Variants in ACMSD observed in about 807,000 individuals in gnomAD.
ACMSD encodes the protein aminocarboxymuconate semialdehyde decarboxylase.
ACMSD carries 37 observed loss-of-function variants against 45.9 expected under a neutral mutation model. That is an observed-to-expected ratio of 0.81 (90% confidence interval 0.62 to 1.06). The LOEUF (loss-of-function observed/expected upper bound fraction) is 1.06, where lower values mean the gene tolerates loss of function less well. Among genes scored for constraint, ACMSD ranks in the 50% least tolerant of loss-of-function variants. The pLI, the probability that ACMSD is intolerant of heterozygous loss-of-function variation, is 0.00. For synonymous variants in ACMSD, 138 were observed against 148.8 expected (o/e 0.93, Z 0.53); for missense variants, 434 against 420.9 (o/e 1.03, Z -0.27).
At chr2:134,896,533 C>G in intron 8 of ACMSD, among the ~76,000 whole-genome samples, 1 of 152,082 alleles carries the variant, frequency 6.6e-6, no homozygotes, top group South Asian at 2.1e-4. Flanking sequence ...ATACAAATAG[C>G]CAATAAGCAC....
chr2:134,901,281 G>A (rs142552751), intron 9 of ACMSD, among the ~76,000 whole-genome samples: 2 of 152,296 alleles, frequency 1.3e-5, no homozygotes, highest in East Asian at 3.9e-4. Flanking sequence ...CATTTCTTAT[G>A]TGAAAATTTT....
chr2:134,885,309 A>ATATAT (rs1380100356), intron 8 of ACMSD, among the ~76,000 whole-genome samples: 5 of 93,736 alleles, frequency 5.3e-5, no homozygotes, highest in African/African-American at 2.3e-4. Context: ...ATATTTAAAT[A>ATATAT]TATATATATA....
At position 134,901,901 on chromosome 2, in the gene ACMSD, A is replaced by C; in HGVS notation, c.*41A>C. 50 of 1,509,890 alleles carry C rather than the reference A, an allele frequency of 3.3e-5. No homozygotes were observed. Among genetic ancestry groups the C allele is most frequent in the Non-Finnish European group, 4.4e-5 (49 of 1,102,778 alleles). 93.5% of individuals were successfully genotyped at this position (1,509,890 alleles called of 1,614,324 possible). A position where few individuals can be genotyped will look rare whatever the true frequency, so the allele number is the denominator to read the frequency against. On this transcript the variant is annotated 3_prime_UTR_variant, in exon 10 of 10. Transcript: ENST00000356140. ...AGGCAAACTTTCAAAAGGATATCTC[A>C]TTTTTGTTTCTAAATATGTATCAAC...
chr2:134,845,141 G>A (rs1341574094), intron 1 of ACMSD, 92 bp from the exon 2 acceptor site: 5 of 1,306,364 alleles, frequency 3.8e-6, no homozygotes, highest in Non-Finnish European at 5.6e-6. Context: ...ATGCTTGAAA[G>A]GTGGAGCTCA....
intron 2 of ACMSD, among the ~76,000 whole-genome samples, chr2:134,852,344 A>G (rs1687383039): frequency 6.6e-6 from 1 of 152,118 alleles, no homozygotes; most frequent in South Asian, 2.1e-4. Context: ...GGAAGCAGGG[A>G]GATGGGGCTG....
chr2:134,838,921 A>T (rs1686656648), intron 1 of ACMSD, among the ~76,000 whole-genome samples, 182 bp downstream of exon 1: 1 of 152,222 alleles, frequency 6.6e-6, no homozygotes, highest in South Asian at 2.1e-4. Context: ...ATTTTGAAAT[A>T]ACATTGGATT....
chr2:134,882,690 T>C (rs1689106097), intron 8 of ACMSD, among the ~76,000 whole-genome samples: 1 of 152,244 alleles, frequency 6.6e-6, no homozygotes, highest in African/African-American at 2.4e-5. Context: ...TTAAGTTATG[T>C]TATAACAGAG....
chr2:134,871,173 C>A, intron 7 of ACMSD, 113 bp downstream of exon 7: 2 of 968,814 alleles, frequency 2.1e-6, no homozygotes, highest in Non-Finnish European at 3.1e-6. Context: ...GCTAGAAGTC[C>A]AAGATCAAGG....
intron 2 of ACMSD, 85 bp from the exon 3 acceptor site, chr2:134,859,176 A>G (rs375652048): frequency 1.9e-6 from 2 of 1,074,436 alleles, no homozygotes; most frequent in South Asian, 1.4e-5. Context: ...AATATTAGGG[A>G]AGAAATACGT....
intron 6 of ACMSD, among the ~76,000 whole-genome samples, chr2:134,869,788 T>C (rs994705471): frequency 3.3e-5 from 5 of 152,010 alleles, no homozygotes; most frequent in Non-Finnish European, 7.4e-5. Context: ...CATTAGTGGA[T>C]TGGAGGATTC....
At chr2:134,845,335 A>C in intron 2 of ACMSD, 58 bp downstream of exon 2, 1 of 1,596,012 alleles carries the variant, frequency 6.3e-7, no homozygotes, top group Non-Finnish European at 8.6e-7. Context: ...GAGCCATGGG[A>C]TACCTCACTG....
intron 8 of ACMSD, among the ~76,000 whole-genome samples, chr2:134,885,420 T>C (rs1689360720): frequency 8.2e-6 from 1 of 122,614 alleles, no homozygotes; most frequent in Non-Finnish European, 1.6e-5. Context: ...AATATATATG[T>C]AAATATATAT....
intron 8 of ACMSD, among the ~76,000 whole-genome samples, chr2:134,891,862 C>G (rs1161568958): frequency 6.6e-6 from 1 of 152,064 alleles, no homozygotes; most frequent in Non-Finnish European, 1.5e-5. Context: ...GATAAAGAAA[C>G]TGTCATATAT....
intron 7 of ACMSD, among the ~76,000 whole-genome samples, 163 bp downstream of exon 7, chr2:134,871,223 G>C (rs1178088853): frequency 6.6e-6 from 1 of 152,172 alleles, no homozygotes; most frequent in Admixed American, 6.5e-5. Context: ...TCTCTTCCTA[G>C]CTTGCACATG....
intron 3 of ACMSD, 110 bp downstream of exon 3, chr2:134,859,467 C>CTA (rs1260871766): frequency 1.8e-5 from 18 of 981,810 alleles, no homozygotes; most frequent in Non-Finnish European, 2.8e-5. Flanking sequence ...CTTTTCTCTG[C>CTA]CAGGACAGGC....
intron 1 of ACMSD, among the ~76,000 whole-genome samples, chr2:134,841,284 C>T (rs948795223): frequency 2.0e-5 from 3 of 152,128 alleles, no homozygotes; most frequent in Non-Finnish European, 4.4e-5. Flanking sequence ...CCACCGTGGT[C>T]CCTCAAGAGC....
intron 8 of ACMSD, among the ~76,000 whole-genome samples, chr2:134,895,440 A>G (rs1690083240): frequency 6.6e-6 from 1 of 150,780 alleles, no homozygotes; most frequent in Non-Finnish European, 1.5e-5. Flanking sequence ...CATTGATTCA[A>G]AAACTTAATG....
intron 8 of ACMSD, among the ~76,000 whole-genome samples, chr2:134,893,660 A>G (rs148875702): frequency 2.0e-4 from 30 of 152,312 alleles, no homozygotes; most frequent in Admixed American, 7.8e-4. Flanking sequence ...CGGAGGCCAG[A>G]AGGCAGTGGA....
At chr2:134,872,681 G>A (rs762795043) in intron 8 of ACMSD, 40 bp downstream of exon 8, 3 of 1,609,108 alleles carry the variant, frequency 1.9e-6, no homozygotes, top group Non-Finnish European at 2.6e-6. Flanking sequence ...ATGGGGAGCA[G>A]AATGCTGCAT....
Sources: allele counts gnomAD v4.1 joint callset (sites outside exome capture counted in the v4.1 genomes callset), GRCh38; gene constraint gnomAD v4.1.1; transcripts MANE v1.5; gene names NCBI Gene and HGNC (gene_info 2026-07-23, HGNC 2026-07-21).